FAM240A: variants seen among roughly 807,000 people sequenced by gnomAD.
The protein encoded by FAM240A is family with sequence similarity 240 member A.
A neutral mutation model predicts 7.3 loss-of-function variants in FAM240A; 8 were observed. The ratio of observed to expected loss-of-function variants is 1.09; its 90% CI spans 0.64 to 1.97. The LOEUF (loss-of-function observed/expected upper bound fraction) is 1.97, where lower values mean the gene tolerates loss of function less well. Ranked by LOEUF, FAM240A falls within the 30% of genes most tolerant of loss-of-function variation. The pLI is 0.00. For missense variants in FAM240A, 90 were observed against 102.2 expected (o/e 0.88, Z 0.52); for synonymous variants, 32 against 35.9 (o/e 0.89, Z 0.38).
rs978117452 is a variant in FAM240A, at chr3:46,625,313, T to A, written c.*95T>A. The A allele has an allele frequency of 7.6e-5, 64 of 838,014 alleles. 1 individual carries two copies. Among genetic ancestry groups the A allele is most frequent in the Admixed American group, 2.9e-4 (13 of 45,294 alleles). The allele number at this position is 838,014 out of a possible 1,614,324, so 51.9% of individuals were successfully genotyped here. Reference sequence around the variant, plus strand: ...TTCCTGAGTCCCTTTGCTATACCAATCAGCTCTCACACTATTGTTTCCCCA... The same window carrying A: ...TTCCTGAGTCCCTTTGCTATACCAAACAGCTCTCACACTATTGTTTCCCCA... On this transcript the variant is annotated 3_prime_UTR_variant, in exon 3 of 3. Transcript: ENST00000640551.
At chr3:46,612,919 T>C (rs1697582870) in intron 1 of FAM240A, among the ~76,000 whole-genome samples, 1 of 152,138 alleles carries the variant, frequency 6.6e-6, no homozygotes, top group Admixed American at 6.5e-5. Flanking sequence ...ACACTTCTAC[T>C]AGGAGGAGCA....
chr3:46,625,118 C>A lies in FAM240A; in HGVS notation c.162-10C>A, dbSNP rs1034730935. The A allele has an allele frequency of 3.3e-6, 5 of 1,531,762 alleles. No individual in the cohort carries two copies. The African/African-American group carries it at 6.9e-5, about 21-fold the overall frequency. 94.9% of individuals were successfully genotyped at this position (1,531,762 alleles called of 1,614,324 possible). On this transcript the variant is annotated splice_polypyrimidine_tract_variant and intron_variant, in intron 2 of 2. Coordinates refer to ENST00000640551, the MANE Select transcript of FAM240A (RefSeq NM_001195442.2). ...AATGCTCCATCTGTGTGTTTGGTTT[C>A]TATTTTCAGGCTCAGAGAAGAATGG...
intron 2 of FAM240A, among the ~76,000 whole-genome samples, chr3:46,623,440 G>A (rs1697719664): frequency 6.6e-6 from 1 of 152,114 alleles, no homozygotes; most frequent in Non-Finnish European, 1.5e-5. Flanking sequence ...TTGTTCAAGT[G>A]TTTTATATCC....
Position 46,618,616 on chromosome 3 carries a change from G to A in FAM240A, c.161+1288G>A, listed in dbSNP as rs544961241. Among the ~76,000 whole-genome samples the A allele has an allele frequency of 1.9e-3, 282 of 152,092 alleles. 2 individuals are homozygous for A. Among genetic ancestry groups the A allele is most frequent in the African/African-American group, 6.0e-3 (250 of 41,498 alleles). On this transcript the variant is annotated intron_variant, in intron 2 of 2. Transcript: ENST00000640551. ...AGCACTTTGGGAGGCTGAGGTGGGC[G>A]GATCACCTGAGGTCGAGAGTTTGAG...
chr3:46,625,416 G>T lies in FAM240A; in HGVS notation c.*198G>T. 2.7e-6 allele frequency: 1 copy of T among 372,526 alleles called. No homozygotes were observed. Among genetic ancestry groups the T allele is most frequent in the Non-Finnish European group, 4.9e-6 (1 of 205,902 alleles). 23.1% of individuals were successfully genotyped at this position (372,526 alleles called of 1,614,324 possible). A position where few individuals can be genotyped will look rare whatever the true frequency, so the allele number is the denominator to read the frequency against. On this transcript the variant is annotated 3_prime_UTR_variant, in exon 3 of 3. Transcript: ENST00000640551. ...TGGCCAAGTCAGTCCTCTGTGCATGGGCGCCAGGTTATTATCCCAAATGTC... is the reference window on the plus strand; with the variant it reads ...TGGCCAAGTCAGTCCTCTGTGCATGTGCGCCAGGTTATTATCCCAAATGTC...
intron 1 of FAM240A, 29 bp from the exon 2 acceptor site, chr3:46,617,154 G>A (rs1305976248): frequency 9.6e-6 from 14 of 1,457,218 alleles, no homozygotes; most frequent in Non-Finnish European, 1.3e-5. Flanking sequence ...ATGTTTTTTG[G>A]TTATTTGTAT....
At position 46,616,543 on chromosome 3, in the gene FAM240A, G is replaced by A. The variant is rs114323879; in HGVS notation, c.16-640G>A. ...CCACTCTGTTTGCCTTTATAAACCC[G>A]TGGCTTAGCTACCACTTATAAGTGA... On this transcript the variant is annotated intron_variant, in intron 1 of 2. Coordinates refer to ENST00000640551, the MANE Select transcript of FAM240A (RefSeq NM_001195442.2). Among the ~76,000 whole-genome samples the A allele has an allele frequency of 4.5e-3, 677 of 152,074 alleles. 3 individuals carry two copies. Among genetic ancestry groups the A allele is most frequent in the Non-Finnish European group, 7.7e-3 (523 of 67,998 alleles).
intron 2 of FAM240A, among the ~76,000 whole-genome samples, chr3:46,623,700 CCTT>C (rs1262719929): frequency 1.3e-5 from 2 of 152,100 alleles, no homozygotes; most frequent in African/African-American, 4.8e-5. Flanking sequence ...ACCACACCAG[CCTT>C]CTTTGATTAG....
Position 46,626,387 on chromosome 3 carries a change from T to C in FAM240A, c.*1169T>C, listed in dbSNP as rs879404026. 9 of 152,124 alleles carry C rather than the reference T, an allele frequency of 5.9e-5. No homozygotes were observed. Among genetic ancestry groups the C allele is most frequent in the African/African-American group, 9.7e-5 (4 of 41,426 alleles). The allele number at this position is 152,124 out of a possible 1,614,324, so 9.4% of individuals were successfully genotyped here. A position where few individuals can be genotyped will look rare whatever the true frequency, so the allele number is the denominator to read the frequency against. ...TTGTACAGGGGATCAAAGCCTTCTGTTTTGGGTTAGATGGTGGTTGCTAGG... is the reference window on the plus strand; with the variant it reads ...TTGTACAGGGGATCAAAGCCTTCTGCTTTGGGTTAGATGGTGGTTGCTAGG... On this transcript the variant is annotated 3_prime_UTR_variant, in exon 3 of 3. Coordinates refer to ENST00000640551, the MANE Select transcript of FAM240A (RefSeq NM_001195442.2).
At chr3:46,625,045 C>T (rs1395749785) in intron 2 of FAM240A, 83 bp from the exon 3 acceptor site, 2 of 970,708 alleles carry the variant, frequency 2.1e-6, no homozygotes, top group Admixed American at 2.1e-5. Context: ...ATTTCAGGGG[C>T]TGGGAGGACA....
chr3:46,622,101 A>ATTTTCTTT lies in FAM240A; in HGVS notation c.162-3022_162-3015dup, dbSNP rs1559439563. Among the ~76,000 whole-genome samples the ATTTTCTTT allele has an allele frequency of 1.4e-4, 16 of 117,780 alleles. 1 individual carries two copies. The highest frequency in any genetic ancestry group is 2.3e-4 in the East Asian group (1 of 4,354). The allele number at this position is 117,780 out of a possible 152,430, so 77.3% of individuals were successfully genotyped here. The stretch of plus-strand genomic sequence containing the variant: ...TTGATCAAGTCTAATTTACGAGAAA[A>ATTTTCTTT]TTTTCTTTTTTTTTTTTTTTTTTTT... On this transcript the variant is annotated intron_variant, in intron 2 of 2. Transcript: ENST00000640551.
Position 46,624,990 on chromosome 3 carries a change from T to C in FAM240A, c.162-138T>C. On this transcript the variant is annotated intron_variant, in intron 2 of 2. Transcript: ENST00000640551. Reference sequence around the variant, plus strand: ...ATATATATATATATATATTTAAACTTGCATGTCCTCTGCATGCCTTTTAAA... The same window carrying C: ...ATATATATATATATATATTTAAACTCGCATGTCCTCTGCATGCCTTTTAAA... 3 of 303,654 alleles carry C rather than the reference T, an allele frequency of 9.9e-6. No homozygotes were observed. In the East Asian group the frequency reaches 1.8e-4, roughly 18 times the overall value. 18.8% of individuals were successfully genotyped at this position (303,654 alleles called of 1,614,324 possible).
intron 2 of FAM240A, among the ~76,000 whole-genome samples, chr3:46,619,360 T>C (rs549396456): frequency 6.6e-6 from 1 of 152,110 alleles, no homozygotes; most frequent in Non-Finnish European, 1.5e-5. Flanking sequence ...CTCATCATTA[T>C]TTTCATCATA....
chr3:46,617,287 A>G lies in FAM240A; in HGVS notation c.120A>G (p.Arg40=), dbSNP rs181490506. Residue 40 remains arginine (R), a synonymous_variant, in exon 2 of 3, where the codon CGA becomes CGG. Transcript: ENST00000640551. ...AAATTGGCAAACAGACTTACTACCG[A>G]GAATCAGAGGAACGTCGTCTGGGAA... ...EREIGKQTYY[R]ESEERRLGRS... The G allele has an allele frequency of 2.8e-5, 43 of 1,535,214 alleles. No homozygotes were observed. In the African/African-American group the frequency reaches 5.2e-4, roughly 19 times the overall value.
chr3:46,617,317 C>A lies in FAM240A; in HGVS notation c.150C>A (p.Ser50Arg). ...RESEERRLGR[S>R]ALRKLREEWK... The stretch of plus-strand genomic sequence containing the variant: ...CAGAGGAACGTCGTCTGGGAAGAAG[C>A]GCACTGAGAAAGTATGTGGCTTGTT... Residue 50 changes from serine to arginine, a missense_variant, in exon 2 of 3, where the codon AGC (serine) becomes AGA (arginine). By Grantham distance (110) the Ser-to-Arg change is moderately radical (BLOSUM62 -1). Coordinates refer to ENST00000640551, the MANE Select transcript of FAM240A (RefSeq NM_001195442.2). The A allele has an allele frequency of 6.6e-7, 1 of 1,526,380 alleles. No homozygotes were observed. The highest frequency in any genetic ancestry group is 8.7e-7 in the Non-Finnish European group (1 of 1,143,402). The allele number at this position is 1,526,380 out of a possible 1,614,324, so 94.6% of individuals were successfully genotyped here. A position where few individuals can be genotyped will look rare whatever the true frequency, so the allele number is the denominator to read the frequency against.
At chr3:46,615,456 CT>C (rs1404242595) in intron 1 of FAM240A, among the ~76,000 whole-genome samples, 1 of 152,178 alleles carries the variant, frequency 6.6e-6, no homozygotes, top group African/African-American at 2.4e-5. Context: ...ATCTTTGCCC[CT>C]CCCGTCCTGG....
chr3:46,616,612 G>A (rs1697630880), intron 1 of FAM240A, among the ~76,000 whole-genome samples: 1 of 151,250 alleles, frequency 6.6e-6, no homozygotes, highest in Non-Finnish European at 1.5e-5. Context: ...TACTTCATTA[G>A]GATAATGGCT....
intron 2 of FAM240A, among the ~76,000 whole-genome samples, chr3:46,622,636 A>G (rs567623531): frequency 8.9e-4 from 135 of 152,302 alleles, no homozygotes; most frequent in African/African-American, 3.0e-3. Flanking sequence ...TGAAAAGACT[A>G]TCCTTTCTCC....
At chr3:46,614,874 AT>A (rs1251834670) in intron 1 of FAM240A, among the ~76,000 whole-genome samples, 2 of 152,244 alleles carry the variant, frequency 1.3e-5, no homozygotes, top group Non-Finnish European at 2.9e-5. Context: ...TGTCAATGAC[AT>A]TTAATTAGCT....
Sources: allele counts gnomAD v4.1 joint callset (sites outside exome capture counted in the v4.1 genomes callset), GRCh38; gene constraint gnomAD v4.1.1; transcripts MANE v1.5; gene names NCBI Gene and HGNC (gene_info 2026-07-23, HGNC 2026-07-21).